Variants in ADCY9 observed in about 807,000 individuals in gnomAD.
The protein encoded by ADCY9 is adenylate cyclase type 9.
In ADCY9, 50 loss-of-function variants were observed where a neutral mutation model predicts 101.5. The observed-to-expected ratio is 0.49, with a 90% CI of 0.39 to 0.62. ADCY9 has a LOEUF of 0.62. Ranked by LOEUF, ADCY9 falls within the 20% of genes least tolerant of loss-of-function variation. The pLI is 0.00. For synonymous variants in ADCY9, 905 were observed against 769.3 expected (o/e 1.18, Z -2.92); for missense variants, 1,662 against 1,800.4 (o/e 0.92, Z 1.39).
In ADCY9 at chr16:3,968,218, C is replaced by T. The variant is rs191378114; in HGVS notation, c.2871-1252G>A. Among the ~76,000 whole-genome samples the T allele has an allele frequency of 5.0e-4, 76 of 151,426 alleles. 1 individual carries two copies. The highest frequency in any genetic ancestry group is 1.5e-3 in the African/African-American group (63 of 41,298). ...TGAGATCTTGGCTCACTACAACCTC[C>T]GCCTCCCGGGTTCAAGTGATTCTCC... On this transcript the variant is annotated intron_variant, in intron 10 of 10. Coordinates refer to ENST00000294016, the MANE Select transcript of ADCY9 (RefSeq NM_001116.4).
At chr16:3,958,506 C>T (rs1354918126), downstream of ADCY9, among the ~76,000 whole-genome samples, 4 of 137,610 alleles carry the variant, frequency 2.9e-5, no homozygotes, top group African/African-American at 1.1e-4. Context: ...CGCCATTGCA[C>T]TTCCAGCCTG....
At chr16:4,112,044 C>A (rs2530900) in intron 2 of ADCY9, among the ~76,000 whole-genome samples, 1 of 152,110 alleles carries the variant, frequency 6.6e-6, no homozygotes, top group Non-Finnish European at 1.5e-5. Context: ...TCATTGTCCT[C>A]TGGGCCAACA....
At chr16:4,090,306 T>C (rs534091944) in intron 2 of ADCY9, among the ~76,000 whole-genome samples, 2 of 152,270 alleles carry the variant, frequency 1.3e-5, no homozygotes, top group South Asian at 4.1e-4. Flanking sequence ...ACAGATTTTT[T>C]TTCTACTTAG....
chr16:3,979,343 G>T, intron 7 of ADCY9, 68 bp from the exon 8 acceptor site: 1 of 1,570,408 alleles, frequency 6.4e-7, no homozygotes, highest in Non-Finnish European at 8.7e-7. Flanking sequence ...GGAGACAGGT[G>T]CGAGGCCGCA....
chr16:3,970,016 A>G lies in ADCY9; in HGVS notation c.2871-3050T>C, dbSNP rs151214729. ...ATTAACATTTGTTGAACTGCATTCTAGTCTTTTTCTTTTTTACAACACCGT... is the reference window on the plus strand; with the variant it reads ...ATTAACATTTGTTGAACTGCATTCTGGTCTTTTTCTTTTTTACAACACCGT... On this transcript the variant is annotated intron_variant, in intron 10 of 10. Transcript: ENST00000294016. Among the ~76,000 whole-genome samples the G allele has an allele frequency of 4.2e-3, 636 of 152,254 alleles. 8 individuals carry two copies. The highest frequency in any genetic ancestry group is 0.014 in the African/African-American group (593 of 41,554).
At chr16:4,030,703 CA>C (rs374494001) in intron 2 of ADCY9, among the ~76,000 whole-genome samples, 1,775 of 134,664 alleles carry the variant, frequency 0.013, 18 homozygotes, top group African/African-American at 0.04. Flanking sequence ...AACTCGGTCT[CA>C]AAAAAAAAAA....
At chr16:4,029,361 C>T (rs914435525) in intron 2 of ADCY9, among the ~76,000 whole-genome samples, 7 of 152,094 alleles carry the variant, frequency 4.6e-5, no homozygotes, top group Admixed American at 1.3e-4. Flanking sequence ...ATGGCAATTT[C>T]GTAGTAAAAA....
chr16:4,085,906 G>T (rs1384676678), intron 2 of ADCY9, among the ~76,000 whole-genome samples: 1 of 151,906 alleles, frequency 6.6e-6, no homozygotes, highest in Non-Finnish European at 1.5e-5. Flanking sequence ...TGACCAGTGG[G>T]TGCTGGTGTT....
intron 2 of ADCY9, among the ~76,000 whole-genome samples, chr16:4,030,129 C>A (rs2056544919): frequency 6.6e-6 from 1 of 152,210 alleles, no homozygotes; most frequent in South Asian, 2.1e-4. Flanking sequence ...GACACTCACA[C>A]TCTATGGCTC....
chr16:4,101,992 T>G (rs991200661), intron 2 of ADCY9, among the ~76,000 whole-genome samples: 2 of 152,266 alleles, frequency 1.3e-5, no homozygotes, highest in African/African-American at 4.8e-5. Context: ...ACACTTGCCC[T>G]TTTTATTACG....
chr16:4,030,290 G>A (rs991455045), intron 2 of ADCY9, among the ~76,000 whole-genome samples: 1 of 152,150 alleles, frequency 6.6e-6, no homozygotes, highest in African/African-American at 2.4e-5. Context: ...CGATGGATAC[G>A]TTGTGATATG....
chr16:4,094,950 C>A (rs2056993909), intron 2 of ADCY9, among the ~76,000 whole-genome samples: 1 of 151,368 alleles, frequency 6.6e-6, no homozygotes, highest in South Asian at 2.1e-4. Context: ...TCATTCAAAA[C>A]TTTTTATAAA....
chr16:4,021,745 T>G (rs921924221), intron 2 of ADCY9, among the ~76,000 whole-genome samples: 8 of 152,048 alleles, frequency 5.3e-5, no homozygotes, highest in Non-Finnish European at 1.2e-4. Context: ...CCATTCTGGG[T>G]TTTTACTGCG....
At chr16:3,976,560 CAG>C (rs1376278126) in intron 9 of ADCY9, among the ~76,000 whole-genome samples, 2 of 152,200 alleles carry the variant, frequency 1.3e-5, no homozygotes, top group African/African-American at 4.8e-5. Context: ...GCGTCCTCCT[CAG>C]TATGCAGAGG....
At chr16:4,097,875 T>C (rs1384413924) in intron 2 of ADCY9, among the ~76,000 whole-genome samples, 1 of 152,044 alleles carries the variant, frequency 6.6e-6, no homozygotes, top group Non-Finnish European at 1.5e-5. Flanking sequence ...CATTCATTTA[T>C]CAGCAAATAT....
chr16:3,967,988 G>T (rs891118556), intron 10 of ADCY9, among the ~76,000 whole-genome samples: 1 of 152,016 alleles, frequency 6.6e-6, no homozygotes, highest in Non-Finnish European at 1.5e-5. Flanking sequence ...ACTGCACCCG[G>T]CTTTTTGCTG....
At position 3,992,370 on chromosome 16, in the gene ADCY9, C is replaced by T. The variant is rs2056251781; in HGVS notation, c.1990-7G>A. 1.9e-6 allele frequency: 3 copies of T among 1,613,298 alleles called. No homozygotes were observed. Among genetic ancestry groups the T allele is most frequent in the Non-Finnish European group, 2.5e-6 (3 of 1,179,654 alleles). ...GATTAGGTCCTCCAGAAGCCTGCCT[C>T]GAGACAAAGAGGACGCAGACACGGG... is the stretch of plus-strand genomic sequence containing the variant. On this transcript the variant is annotated splice_region_variant and splice_polypyrimidine_tract_variant and intron_variant, in intron 4 of 10. Transcript: ENST00000294016. This position sits in a 1 kb window ranked among gnomAD's most constrained non-coding sequence, Gnocchi z 4.2.
chr16:4,003,563 C>A (rs908194697), intron 3 of ADCY9, among the ~76,000 whole-genome samples: 2 of 124,488 alleles, frequency 1.6e-5, no homozygotes, highest in Admixed American at 8.6e-5. Flanking sequence ...TCTTTCTTTT[C>A]TTTTTTTTTT....
At chr16:3,970,033 C>T (rs942802351) in intron 10 of ADCY9, among the ~76,000 whole-genome samples, 1 of 152,080 alleles carries the variant, frequency 6.6e-6, no homozygotes, top group African/African-American at 2.4e-5. Context: ...TTCTTTTTTA[C>T]AACACCGTGA....
Sources: allele counts gnomAD v4.1 joint callset (sites outside exome capture counted in the v4.1 genomes callset), GRCh38; gene constraint gnomAD v4.1.1; non-coding constraint Gnocchi (gnomAD v3.1); transcripts MANE v1.5; gene names NCBI Gene and HGNC (gene_info 2026-07-23, HGNC 2026-07-21).